The following PTCD3 variants were observed in gnomAD, a reference collection of about 807,000 sequenced individuals.
PTCD3 encodes pentatricopeptide repeat domain 3.
Under a neutral mutation model 101.9 loss-of-function variants are expected in PTCD3, and 89 were observed. The ratio of observed to expected loss-of-function variants is 0.87; its 90% CI spans 0.74 to 1.04. PTCD3 has a LOEUF of 1.04. PTCD3 is among the 50% of genes least tolerant of loss of function. PTCD3 has a pLI of 0.00. For missense variants in PTCD3, 870 were observed against 828.2 expected, an observed-to-expected ratio of 1.05 and a Z score of -0.62; for synonymous variants, 296 against 278.5, an observed-to-expected ratio of 1.06 and a Z score of -0.63.
Position 86,141,205 on chromosome 2 carries a change from G to A in PTCD3, c.*3646G>A, listed in dbSNP as rs1250908480. The stretch of plus-strand genomic sequence containing the variant: ...GACTAGTGAAACCTACTCCTCACAT[G>A]GGTAAGAGTTGCAGTGGGCAGGTGA... On this transcript the variant is annotated 3_prime_UTR_variant, in exon 24 of 24. Coordinates refer to ENST00000254630, the MANE Select transcript of PTCD3 (RefSeq NM_017952.6). 2 of 152,130 alleles carry A rather than the reference G, an allele frequency of 1.3e-5. No individual in the cohort carries two copies. The highest frequency in any genetic ancestry group is 6.6e-5 in the Admixed American group (1 of 15,262). The allele number at this position is 152,130 out of a possible 1,614,324, so 9.4% of individuals were successfully genotyped here. A position where few individuals can be genotyped will look rare whatever the true frequency, so the allele number is the denominator to read the frequency against.
In PTCD3 at chr2:86,111,147, A is replaced by C; in HGVS notation, c.229A>C (p.Thr77Pro). ...KVAVLQALAS[T>P]VNRDTTAVPY... ...AGCCGTTCTTCAGGCACTTGCATCC[A>C]CAGTAAACAGGGTAAGTAGGATTTT... is the stretch of plus-strand genomic sequence containing the variant. The change falls in exon 4 of 24, where the codon ACA becomes CCA. Residue 77 changes from threonine (T) to proline (P), a missense_variant. By Grantham distance (38) the Thr-to-Pro change is conservative (BLOSUM62 -1). Coordinates refer to ENST00000254630, the MANE Select transcript of PTCD3 (RefSeq NM_017952.6). The C allele has an allele frequency of 6.2e-7, 1 of 1,613,510 alleles. No homozygotes were observed. The highest frequency in any genetic ancestry group is 8.5e-7 in the Non-Finnish European group (1 of 1,179,458).
Position 86,125,879 on chromosome 2 carries a change from T to C in PTCD3, c.950T>C (p.Leu317Pro), listed in dbSNP as rs367658233. The change falls in exon 12 of 24, where the codon CTG becomes CCG. Residue 317 changes from leucine (L) to proline (P), a missense_variant and splice_region_variant. Transcript: ENST00000254630. ...TTTGAGGAAAAATGGAGTAAAATAC[T>C]GGTAAGGAGGAATCCTCAGTTTATT... ...EKFEEKWSKILELLRHMVAQK... is the reference protein window; with the variant it reads ...EKFEEKWSKIPELLRHMVAQK... 4.4e-6 allele frequency: 7 copies of C among 1,585,612 alleles called. No homozygotes were observed. The African/African-American group carries it at 9.4e-5, about 21-fold the overall frequency.
At position 86,120,313 on chromosome 2, in the gene PTCD3, C is replaced by T. The variant is rs565822302; in HGVS notation, c.539-1166C>T. Among the ~76,000 whole-genome samples the T allele has an allele frequency of 9.2e-5, 14 of 152,266 alleles. No individual in the cohort carries two copies. The South Asian group carries it at 2.7e-3, about 29-fold the overall frequency. The stretch of plus-strand genomic sequence containing the variant: ...ATAGCTCAGTAACAAAGTGAGCTAA[C>T]ATACCAGGGAAAGGATCCTAGAACA... On this transcript the variant is annotated intron_variant, in intron 7 of 23. Transcript: ENST00000254630.
At chr2:86,120,819 CAGA>C (rs1299705684) in intron 7 of PTCD3, among the ~76,000 whole-genome samples, 6 of 152,142 alleles carry the variant, frequency 3.9e-5, no homozygotes, top group Non-Finnish European at 8.8e-5. Flanking sequence ...CACTTGAGCC[CAGA>C]AGTTCAAGGT....
At chr2:86,107,090 A>G (rs1673970220) in intron 1 of PTCD3, 4 of 470,498 alleles carry the variant, frequency 8.5e-6, no homozygotes, top group African/African-American at 2.0e-5. Context: ...GTAATTTACA[A>G]TATGTTTTTA....
At chr2:86,121,309 A>G (rs541202426) in intron 7 of PTCD3, among the ~76,000 whole-genome samples, 170 bp from the exon 8 acceptor site, 22 of 152,302 alleles carry the variant, frequency 1.4e-4, no homozygotes, top group Middle Eastern at 3.4e-3. Context: ...GTCCCTGTCT[A>G]CGTCACTTCA....
intron 5 of PTCD3, 47 bp downstream of exon 5, chr2:86,116,645 C>A: frequency 1.5e-6 from 2 of 1,364,644 alleles, no homozygotes; most frequent in Non-Finnish European, 2.1e-6. Flanking sequence ...CTCTGGTTTG[C>A]GTACAACAGT....
At chr2:86,111,384 C>T (rs1048104930) in intron 4 of PTCD3, among the ~76,000 whole-genome samples, 3 of 151,924 alleles carry the variant, frequency 2.0e-5, no homozygotes, top group Admixed American at 6.6e-5. Context: ...GTCAGGAGAT[C>T]GAGACCATCC....
chr2:86,133,466 C>T (rs1454319938), intron 19 of PTCD3, 30 bp downstream of exon 19: 1 of 1,530,424 alleles, frequency 6.5e-7, no homozygotes, highest in Non-Finnish European at 9.0e-7. Flanking sequence ...TGTCCAGGTG[C>T]ATCTCACCTC....
At position 86,119,168 on chromosome 2, in the gene PTCD3, C is replaced by T. The variant is rs553829823; in HGVS notation, c.538+124C>T. 8.8e-6 allele frequency: 11 copies of T among 1,250,564 alleles called. No homozygotes were observed. The South Asian group carries it at 1.0e-4, about 11-fold the overall frequency. The allele number at this position is 1,250,564 out of a possible 1,614,324, so 77.5% of individuals were successfully genotyped here. On this transcript the variant is annotated intron_variant, in intron 7 of 23. Transcript: ENST00000254630. The stretch of plus-strand genomic sequence containing the variant: ...TGTACTTACTCTGCTTTGATGGCTG[C>T]GTGCTTTATATTTTTAGTAGTTTAT...
At chr2:86,127,394 CT>C in intron 13 of PTCD3, 89 bp downstream of exon 13, 2 of 1,399,740 alleles carry the variant, frequency 1.4e-6, no homozygotes, top group African/African-American at 1.4e-5. Context: ...TTAAATTATT[CT>C]TGTGCTTACA....
rs1674662298 is a variant in PTCD3, at chr2:86,140,367, A to ACC, written c.*2809_*2810insCC. On this transcript the variant is annotated 3_prime_UTR_variant, in exon 24 of 24. Transcript: ENST00000254630. Reference sequence around the variant, plus strand: ...AGACAGGGTAGCATTTGTCTTTCAAACTGCAGGGTTTGAAATCAGTTTTTG... The same window carrying ACC: ...AGACAGGGTAGCATTTGTCTTTCAAACCCTGCAGGGTTTGAAATCAGTTTTTG... 6.6e-6 allele frequency: 1 copy of ACC among 152,130 alleles called. No homozygotes were observed. Among genetic ancestry groups the ACC allele is most frequent in the Non-Finnish European group, 1.5e-5 (1 of 68,016 alleles). 9.4% of individuals were successfully genotyped at this position (152,130 alleles called of 1,614,324 possible).
At chr2:86,130,596 TTGG>T (rs1440152108) in intron 14 of PTCD3, 49 bp from the exon 15 acceptor site, 1 of 1,580,478 alleles carries the variant, frequency 6.3e-7, no homozygotes. Context: ...TACAGTGAGT[TTGG>T]TGGTGGTAAA....
intron 6 of PTCD3, among the ~76,000 whole-genome samples, chr2:86,117,584 A>C (rs1340234937): frequency 6.6e-6 from 1 of 151,820 alleles, no homozygotes; most frequent in East Asian, 1.9e-4. Context: ...AGTAGCTTGG[A>C]CTACAGGGGT....
chr2:86,131,174 C>T (rs1674488162), intron 16 of PTCD3, 68 bp downstream of exon 16: 2 of 1,230,464 alleles, frequency 1.6e-6, no homozygotes, highest in Admixed American at 4.8e-5. Flanking sequence ...AGGGTTCTCC[C>T]TGGTTCTTTT....
intron 11 of PTCD3, 82 bp from the exon 12 acceptor site, chr2:86,125,711 CAT>C: frequency 9.0e-7 from 1 of 1,105,270 alleles, no homozygotes; most frequent in East Asian, 2.4e-5. Flanking sequence ...TCAAGGGACA[CAT>C]AGGAATGACT....
At chr2:86,133,912 G>T (rs1479717237) in intron 19 of PTCD3, among the ~76,000 whole-genome samples, 1 of 152,210 alleles carries the variant, frequency 6.6e-6, no homozygotes, top group Non-Finnish European at 1.5e-5. Context: ...TAGATATTCT[G>T]TATCTTTCAC....
intron 21 of PTCD3, 132 bp from the exon 22 acceptor site, chr2:86,136,389 T>A (rs1674585066): frequency 1.2e-6 from 1 of 843,138 alleles, no homozygotes; most frequent in African/African-American, 1.7e-5. Context: ...CCCACAGATG[T>A]GTGTCTTTGG....
At position 86,134,312 on chromosome 2, in the gene PTCD3, A is replaced by T. The variant is rs1246889793; in HGVS notation, c.1564A>T (p.Thr522Ser). The T allele has an allele frequency of 6.2e-7, 1 of 1,611,910 alleles. No homozygotes were observed. The highest frequency in any genetic ancestry group is 8.5e-7 in the Non-Finnish European group (1 of 1,178,106). The change falls in exon 20 of 24, where the codon ACT (threonine) becomes TCT (serine). Residue 522 changes from threonine to serine, a missense_variant. Thr to Ser is a moderately conservative substitution (Grantham distance 58). Transcript: ENST00000254630. ...TCAAGATAGTAAAGAATATGGTCAT[A>T]CTTTCCGCAGTGACCTGAGAGAAGA... ...IWKDSKEYGH[T>S]FRSDLREEIL...
Sources: allele counts gnomAD v4.1 joint callset (sites outside exome capture counted in the v4.1 genomes callset), GRCh38; gene constraint gnomAD v4.1.1; transcripts MANE v1.5; gene names NCBI Gene and HGNC (gene_info 2026-07-23, HGNC 2026-07-21).